Variants in GRIP1 observed in about 807,000 individuals in gnomAD.
The protein encoded by GRIP1 is glutamate receptor-interacting protein 1.
Under a neutral mutation model 129.9 loss-of-function variants are expected in GRIP1, and 45 were observed. The observed-to-expected ratio is 0.35, with a 90% CI of 0.27 to 0.44. The LOEUF is 0.44. GRIP1 is among the 20% of genes least tolerant of loss of function. The pLI is 1.00. For missense variants in GRIP1, 1,196 were observed against 1,396.8 expected (o/e 0.86, Z 2.29); for synonymous variants, 530 against 520.8 (o/e 1.02, Z -0.24).
chr12:66,548,952 T>A (rs967084858), intron 2 of GRIP1, among the ~76,000 whole-genome samples: 5 of 152,162 alleles, frequency 3.3e-5, no homozygotes, highest in African/African-American at 1.2e-4. Flanking sequence ...AAAGTACAAT[T>A]TCAAAGCAAC....
chr12:66,861,581 C>A (rs1349698717), intron 1 of GRIP1, among the ~76,000 whole-genome samples: 1 of 151,972 alleles, frequency 6.6e-6, no homozygotes, highest in Non-Finnish European at 1.5e-5. Flanking sequence ...TACAGAAATC[C>A]CACATGGCCA....
intron 1 of GRIP1, among the ~76,000 whole-genome samples, chr12:66,718,494 G>A (rs2035960926): frequency 6.6e-6 from 1 of 152,132 alleles, no homozygotes; most frequent in South Asian, 2.1e-4. Context: ...GATCAATTAA[G>A]TTTGAGAAGC....
intron 1 of GRIP1, among the ~76,000 whole-genome samples, chr12:66,775,749 A>G (rs1459644116): frequency 6.6e-6 from 1 of 152,136 alleles, no homozygotes; most frequent in East Asian, 1.9e-4. Flanking sequence ...AAGCAGAGAA[A>G]AAACAACTGC....
At chr12:66,739,279 T>C (rs1348930030) in intron 1 of GRIP1, among the ~76,000 whole-genome samples, 1 of 152,142 alleles carries the variant, frequency 6.6e-6, no homozygotes, top group South Asian at 2.1e-4. Context: ...CTATAATTTA[T>C]CTCAATTTTA....
intron 1 of GRIP1, among the ~76,000 whole-genome samples, chr12:66,685,285 AT>A (rs1318125167): frequency 6.6e-6 from 1 of 152,008 alleles, no homozygotes; most frequent in Non-Finnish European, 1.5e-5. Context: ...AGGGGGAAGT[AT>A]TACTTTTCAA....
At chr12:66,909,700 G>T (rs992699593) in intron 1 of GRIP1, among the ~76,000 whole-genome samples, 1 of 152,114 alleles carries the variant, frequency 6.6e-6, no homozygotes, top group Admixed American at 6.6e-5. Flanking sequence ...TGAGAACAAG[G>T]TTTAGATGAT....
At position 66,348,737 on chromosome 12, in the gene GRIP1, C is replaced by A; in HGVS notation, c.*282G>T. On this transcript the variant is annotated 3_prime_UTR_variant, in exon 25 of 25. Coordinates refer to ENST00000359742, the MANE Select transcript of GRIP1 (RefSeq NM_001366722.1). ...GTAAGATGAACTTGTAAAAAATTTC[C>A]TCTGATGTTAATTGTAGAGTTGTGG... The A allele has an allele frequency of 2.5e-6, 1 of 393,226 alleles. No individual in the cohort carries two copies. Among genetic ancestry groups the A allele is most frequent in the Non-Finnish European group, 4.6e-6 (1 of 217,220 alleles). The allele number at this position is 393,226 out of a possible 1,614,324, so 24.4% of individuals were successfully genotyped here. A position where few individuals can be genotyped will look rare whatever the true frequency, so the allele number is the denominator to read the frequency against.
intron 2 of GRIP1, among the ~76,000 whole-genome samples, chr12:66,577,959 C>A (rs904787925): frequency 1.3e-5 from 2 of 152,078 alleles, no homozygotes; most frequent in Non-Finnish European, 2.9e-5. Flanking sequence ...GCTTTAAAAC[C>A]AACCAACCAA....
chr12:66,470,642 T>C (rs891714982), intron 7 of GRIP1, among the ~76,000 whole-genome samples: 21 of 152,204 alleles, frequency 1.4e-4, no homozygotes, highest in African/African-American at 4.1e-4. Context: ...GCAAATTATG[T>C]TGACTGACAG....
intron 10 of GRIP1, 29 bp downstream of exon 10, chr12:66,456,158 G>T: frequency 8.0e-7 from 1 of 1,253,866 alleles, no homozygotes; most frequent in Non-Finnish European, 1.0e-6. Flanking sequence ...TGAAATAAAA[G>T]ACCAGGAGGA....
chr12:66,471,758 C>T (rs967548564), intron 7 of GRIP1, among the ~76,000 whole-genome samples: 1 of 152,168 alleles, frequency 6.6e-6, no homozygotes, highest in Non-Finnish European at 1.5e-5. Flanking sequence ...ATGCCCTCAA[C>T]ACATTTTATG....
chr12:66,977,816 T>TC (rs1349717004), intron 1 of GRIP1, among the ~76,000 whole-genome samples: 14 of 93,612 alleles, frequency 1.5e-4, no homozygotes, highest in Admixed American at 9.2e-4. Flanking sequence ...CATTTTTTTT[T>TC]TTTTTTTTTT....
chr12:66,575,682 C>A lies in GRIP1; in HGVS notation c.136+21165G>T, dbSNP rs532426866. 5.9e-5 allele frequency among the ~76,000 whole-genome samples: 9 copies of A among 152,248 alleles called. No individual in the cohort carries two copies. In the East Asian group the frequency reaches 1.7e-3, roughly 29 times the overall value. ...GGTAGCTAAAAGGTGTTCAGGACAA[C>A]TAGAAAATTTTTCCAAGTTCTGTAG... On this transcript the variant is annotated intron_variant, in intron 2 of 24. Transcript: ENST00000359742.
At chr12:66,479,105 G>A (rs1454653566) in intron 7 of GRIP1, among the ~76,000 whole-genome samples, 1 of 149,466 alleles carries the variant, frequency 6.7e-6, no homozygotes, top group African/African-American at 2.4e-5. Flanking sequence ...AGATAAAACA[G>A]AAAAAAAAAT....
chr12:66,444,148 C>T (rs931580155), intron 13 of GRIP1, among the ~76,000 whole-genome samples: 19 of 152,288 alleles, frequency 1.2e-4, no homozygotes, highest in Admixed American at 4.6e-4. Flanking sequence ...CAATTCAAAA[C>T]GACACCCCAA....
At chr12:66,544,219 A>G (rs1180515906) in intron 2 of GRIP1, among the ~76,000 whole-genome samples, 1 of 152,206 alleles carries the variant, frequency 6.6e-6, no homozygotes, top group African/African-American at 2.4e-5. Flanking sequence ...AACATTTCAA[A>G]TGTTTTCCTA....
At chr12:67,023,099 C>T (rs1417793868) in intron 1 of GRIP1, among the ~76,000 whole-genome samples, 1 of 152,038 alleles carries the variant, frequency 6.6e-6, no homozygotes, top group Non-Finnish European at 1.5e-5. Context: ...CAGGTGGTGG[C>T]ATATCTTTCA....
intron 1 of GRIP1, among the ~76,000 whole-genome samples, chr12:66,834,141 G>A (rs1172995358): frequency 7.7e-6 from 1 of 129,250 alleles, no homozygotes; most frequent in Non-Finnish European, 1.5e-5. Context: ...TCGTGCCACT[G>A]CACTCCAGCC....
intron 7 of GRIP1, among the ~76,000 whole-genome samples, chr12:66,479,535 G>T: frequency 6.6e-6 from 1 of 152,014 alleles, no homozygotes; most frequent in Non-Finnish European, 1.5e-5. Context: ...ATTCCAAACA[G>T]TAGGAAAAGA....
Sources: gnomAD v4.1 joint callset for allele counts (sites outside exome capture counted in the v4.1 genomes callset) on GRCh38, gnomAD v4.1.1 for gene constraint, MANE v1.5 for transcripts, NCBI Gene and HGNC (gene_info 2026-07-23, HGNC 2026-07-21) for gene names.